KDM2B: variants seen among roughly 807,000 people sequenced by gnomAD.
KDM2B encodes lysine-specific demethylase 2B.
A neutral mutation model predicts 150.0 loss-of-function variants in KDM2B; 26 were observed. That is an observed-to-expected ratio of 0.17 (90% confidence interval 0.13 to 0.24). The LOEUF is 0.24. Ranked by LOEUF, KDM2B falls within the 10% of genes least tolerant of loss-of-function variation. The probability of loss-of-function intolerance (pLI) is 1.00; values close to 1 mark genes in which losing one functional copy is unlikely to be tolerated. For missense variants in KDM2B, 1,265 were observed against 1,816.9 expected, an observed-to-expected ratio of 0.70 and a Z score of 5.52; for synonymous variants, 734 against 729.5, an observed-to-expected ratio of 1.01 and a Z score of -0.10.
intron 9 of KDM2B, among the ~76,000 whole-genome samples, chr12:121,519,356 A>G (rs1555305507): frequency 1.3e-5 from 2 of 152,236 alleles, no homozygotes; most frequent in Non-Finnish European, 2.9e-5. Context: ...ATCTATGCAG[A>G]GCAACACCTC....
intron 10 of KDM2B, among the ~76,000 whole-genome samples, chr12:121,511,230 G>A (rs551585781): frequency 2.0e-5 from 3 of 149,346 alleles, no homozygotes; most frequent in East Asian, 2.0e-4. Context: ...GGTTGGTCTC[G>A]AACTCCTAAC....
downstream of KDM2B, among the ~76,000 whole-genome samples, chr12:121,425,809 C>T (rs138174268): frequency 7.6e-3 from 1,158 of 151,592 alleles, 15 homozygotes; most frequent in African/African-American, 0.025. Context: ...CTCTGTTGCC[C>T]AGGCCGGAGT....
At chr12:121,447,002 G>C (rs1363597748) in intron 13 of KDM2B, among the ~76,000 whole-genome samples, 1 of 152,182 alleles carries the variant, frequency 6.6e-6, no homozygotes, top group African/African-American at 2.4e-5. Context: ...GATTTTCAAT[G>C]TAACAGTGTG....
chr12:121,508,055 T>A (rs1348206226), intron 11 of KDM2B, among the ~76,000 whole-genome samples: 3 of 152,164 alleles, frequency 2.0e-5, no homozygotes, highest in African/African-American at 7.2e-5. Flanking sequence ...TCCAAAAGCA[T>A]GGAAAGACAT....
At position 121,463,856 on chromosome 12, in the gene KDM2B, C is replaced by T. The variant is rs557159284; in HGVS notation, c.1735-10512G>A. 6.2e-4 allele frequency among the ~76,000 whole-genome samples: 94 copies of T among 152,066 alleles called. 1 individual carries two copies. The highest frequency in any genetic ancestry group is 2.5e-3 in the Admixed American group (38 of 15,266). On this transcript the variant is annotated intron_variant, in intron 12 of 22. Coordinates refer to ENST00000377071, the MANE Select transcript of KDM2B (RefSeq NM_032590.5). ...AGCCTCCCATAAGTGCTGGGATAACCGGCATGAGCCACTGTACCCAGCCTG... is the reference window on the plus strand; with the variant it reads ...AGCCTCCCATAAGTGCTGGGATAACTGGCATGAGCCACTGTACCCAGCCTG...
intron 4 of KDM2B, among the ~76,000 whole-genome samples, chr12:121,573,737 G>A (rs1207078138): frequency 4.6e-5 from 7 of 151,918 alleles, no homozygotes; most frequent in African/African-American, 1.5e-4. Flanking sequence ...ACAGGCGCCC[G>A]CCACCACGCC....
chr12:121,574,282 G>A (rs571540822), intron 4 of KDM2B: 12 of 385,470 alleles, frequency 3.1e-5, no homozygotes, highest in South Asian at 9.7e-5. Flanking sequence ...CTCAGATTGC[G>A]TTGCTGACAC....
At chr12:121,581,685 G>A (rs56239579), upstream of KDM2B, among the ~76,000 whole-genome samples, 584 of 152,310 alleles carry the variant, frequency 3.8e-3, 1 homozygote, top group African/African-American at 0.013. Context: ...TAACCCTGTG[G>A]GATACTTGGA....
chr12:121,459,347 C>T (rs552921578), intron 12 of KDM2B, among the ~76,000 whole-genome samples: 2 of 152,018 alleles, frequency 1.3e-5, no homozygotes, highest in Non-Finnish European at 2.9e-5. Flanking sequence ...AAAGATAGAC[C>T]CCTACCTCAC....
chr12:121,479,553 A>C (rs577360879), intron 12 of KDM2B, among the ~76,000 whole-genome samples: 41 of 152,000 alleles, frequency 2.7e-4, no homozygotes, highest in African/African-American at 9.9e-4. Context: ...ACTTGGGCCC[A>C]GAAGTTCGAG....
In KDM2B at chr12:121,494,904, A is replaced by G. The variant is rs138661672; in HGVS notation, c.1648-239T>C. Among the ~76,000 whole-genome samples, 303 of 150,584 alleles carry G rather than the reference A, an allele frequency of 2.0e-3. 2 individuals carry two copies. The highest frequency in any genetic ancestry group is 3.4e-3 in the Non-Finnish European group (230 of 67,810). ...ATTTCTTTAACAAAGCAAATCACAT[A>G]CCTCCCTGTGACTTCCACGTATGTA... On this transcript the variant is annotated intron_variant, in intron 11 of 22. Coordinates refer to ENST00000377071, the MANE Select transcript of KDM2B (RefSeq NM_032590.5).
At position 121,510,700 on chromosome 12, in the gene KDM2B, G is replaced by A. The variant is rs531540605; in HGVS notation, c.1175-661C>T. Among the ~76,000 whole-genome samples the A allele has an allele frequency of 3.9e-5, 6 of 152,030 alleles. No homozygotes were observed. The East Asian group carries it at 1.2e-3, about 29-fold the overall frequency. ...CCCAGCTACTTGGGAGGCTGAGATG[G>A]GAGGATCACTTGAGCCTGGGAGGTG... is the stretch of plus-strand genomic sequence containing the variant. On this transcript the variant is annotated intron_variant, in intron 10 of 22. Coordinates refer to ENST00000377071, the MANE Select transcript of KDM2B (RefSeq NM_032590.5).
intron 12 of KDM2B, among the ~76,000 whole-genome samples, chr12:121,458,384 A>AC (rs1555293253): frequency 6.6e-6 from 1 of 152,130 alleles, no homozygotes; most frequent in Admixed American, 6.6e-5. Context: ...CAAAAACAAA[A>AC]CAAGAATTAA....
chr12:121,509,317 G>A (rs1183416406), intron 11 of KDM2B, among the ~76,000 whole-genome samples: 1 of 151,626 alleles, frequency 6.6e-6, no homozygotes, highest in Non-Finnish European at 1.5e-5. Context: ...GCCCACCTCA[G>A]CCTCCCAGTG....
intron 16 of KDM2B, 43 bp from the exon 17 acceptor site, chr12:121,443,836 T>C: frequency 1.4e-6 from 2 of 1,413,240 alleles, no homozygotes; most frequent in Non-Finnish European, 9.7e-7. Context: ...TCGCTGGTTT[T>C]CCCCTCCTTT....
intron 4 of KDM2B, among the ~76,000 whole-genome samples, chr12:121,557,119 T>C (rs967855497): frequency 2.0e-5 from 3 of 151,494 alleles, no homozygotes; most frequent in Non-Finnish European, 4.4e-5. Context: ...TGAACTGCAC[T>C]CCCCCAAAAT....
At chr12:121,525,991 G>A (rs1411881556) in intron 8 of KDM2B, among the ~76,000 whole-genome samples, 1 of 152,160 alleles carries the variant, frequency 6.6e-6, no homozygotes, top group Non-Finnish European at 1.5e-5. Flanking sequence ...CAGGAGGGAG[G>A]GGATCTGTCT....
the KDM2B span, among the ~76,000 whole-genome samples, chr12:121,421,620 G>A: frequency 1.9e-4 from 29 of 152,046 alleles, no homozygotes; most frequent in Admixed American, 5.2e-4. Context: ...CTGGTAACAC[G>A]ATCAAGCCAC....
chr12:121,500,340 G>C (rs11065600), intron 11 of KDM2B, among the ~76,000 whole-genome samples: 2 of 152,154 alleles, frequency 1.3e-5, no homozygotes, highest in African/African-American at 2.4e-5. Context: ...CGAAAGTCCA[G>C]GGCAGGTTTT....
Sources: allele counts gnomAD v4.1 joint callset (sites outside exome capture counted in the v4.1 genomes callset), GRCh38; gene constraint gnomAD v4.1.1; transcripts MANE v1.5; gene names NCBI Gene and HGNC (gene_info 2026-07-23, HGNC 2026-07-21).